TULP4: variants seen among roughly 807,000 people sequenced by gnomAD.
TULP4 encodes TUB like protein 4, also known as tubby-related protein 4.
TULP4 carries 16 observed loss-of-function variants against 129.0 expected under a neutral mutation model. That is an observed-to-expected ratio of 0.12 (90% CI 0.08 to 0.19). The LOEUF (loss-of-function observed/expected upper bound fraction) is 0.19. Among genes scored for constraint, TULP4 ranks in the 10% least tolerant of loss-of-function variants. The probability of loss-of-function intolerance (pLI) is 1.00; values close to 1 mark genes in which losing one functional copy is unlikely to be tolerated. For synonymous variants in TULP4, 998 were observed against 854.0 expected (o/e 1.17, Z -2.94); for missense variants, 1,842 against 2,059.1 (o/e 0.89, Z 2.04).
At chr6:158,414,381 A>C (rs1778159927) in intron 2 of TULP4, among the ~76,000 whole-genome samples, 1 of 93,262 alleles carries the variant, frequency 1.1e-5, no homozygotes, top group East Asian at 2.0e-4. Flanking sequence ...CGGAAATCCC[A>C]CCCCATGACT....
intron 1 of TULP4, among the ~76,000 whole-genome samples, chr6:158,350,625 C>T (rs1413252007): frequency 6.6e-6 from 1 of 151,948 alleles, no homozygotes; most frequent in East Asian, 1.9e-4. Context: ...CTCGGCAGGC[C>T]GAGGCAGGAG....
chr6:158,244,400 G>C (rs1286336823), intron 1 of TULP4, among the ~76,000 whole-genome samples: 1 of 152,208 alleles, frequency 6.6e-6, no homozygotes, highest in Non-Finnish European at 1.5e-5. Context: ...TGTGGACTGA[G>C]TGTTTGAGTC....
intron 1 of TULP4, among the ~76,000 whole-genome samples, chr6:158,364,905 T>G (rs1780890912): frequency 6.6e-6 from 1 of 151,970 alleles, no homozygotes; most frequent in South Asian, 2.1e-4. Flanking sequence ...CTGGCTAATT[T>G]TTTGTATTTT....
chr6:158,314,909 A>G (rs1049500721), intron 1 of TULP4, among the ~76,000 whole-genome samples: 1 of 152,242 alleles, frequency 6.6e-6, no homozygotes, highest in African/African-American at 2.4e-5. Context: ...TGGGATTATG[A>G]AATTCATGCA....
In TULP4 at chr6:158,493,971, A is replaced by G; in HGVS notation, c.1776+254A>G. Among the ~76,000 whole-genome samples, 1 of 151,208 alleles carries G rather than the reference A, an allele frequency of 6.6e-6. No individual in the cohort carries two copies. The highest frequency in any genetic ancestry group is 2.4e-5 in the African/African-American group (1 of 41,088). On this transcript the variant is annotated intron_variant, in intron 10 of 13. Transcript: ENST00000367097. The surrounding 1 kb of genome is among the most constrained non-coding windows in gnomAD (Gnocchi z 4.4). ...CCTCCCACTTCCCATCACAGCTCCC[A>G]CCGTCCAGCCCTGCCTGCCTTTCCC...
At chr6:158,244,095 A>G (rs1325984019) in intron 1 of TULP4, among the ~76,000 whole-genome samples, 1 of 152,148 alleles carries the variant, frequency 6.6e-6, no homozygotes, top group African/African-American at 2.4e-5. Flanking sequence ...GGTGTGTTTC[A>G]GTCCATTGCA....
At chr6:158,476,743 A>G (rs1779829282) in intron 6 of TULP4, among the ~76,000 whole-genome samples, 1 of 152,238 alleles carries the variant, frequency 6.6e-6, no homozygotes, top group African/African-American at 2.4e-5. Context: ...AGCTTTGACC[A>G]AATGGACTAA....
intron 6 of TULP4, among the ~76,000 whole-genome samples, chr6:158,467,299 G>C (rs1030680731): frequency 1.6e-5 from 2 of 124,400 alleles, no homozygotes; most frequent in Middle Eastern, 4.2e-3. Context: ...TTTTTTTTTG[G>C]ACAGAGTTTC....
At chr6:158,401,740 T>TA (rs1219165910) in intron 1 of TULP4, among the ~76,000 whole-genome samples, 12 of 152,166 alleles carry the variant, frequency 7.9e-5, no homozygotes, top group Non-Finnish European at 7.3e-5. Context: ...TCCTCTCAGG[T>TA]GCTAGTGTTG....
intron 3 of TULP4, among the ~76,000 whole-genome samples, chr6:158,442,875 G>A (rs953703397): frequency 2.0e-5 from 3 of 151,152 alleles, no homozygotes; most frequent in Non-Finnish European, 2.9e-5. Context: ...GTGCAATGGC[G>A]CTATCTCTGC....
intron 3 of TULP4, 68 bp from the exon 4 acceptor site, chr6:158,448,928 G>T: frequency 2.0e-6 from 3 of 1,497,774 alleles, no homozygotes; most frequent in Non-Finnish European, 2.7e-6. Flanking sequence ...AACAAATCGA[G>T]GCAACAAGGT....
At chr6:158,384,336 G>A (rs1288127794) in intron 1 of TULP4, among the ~76,000 whole-genome samples, 1 of 149,424 alleles carries the variant, frequency 6.7e-6, no homozygotes, top group Non-Finnish European at 1.5e-5. Flanking sequence ...GACCCAGGCT[G>A]GAGTGCAGTG....
intron 1 of TULP4, among the ~76,000 whole-genome samples, chr6:158,367,859 A>G (rs1776960429): frequency 6.6e-6 from 1 of 151,484 alleles, no homozygotes; most frequent in Non-Finnish European, 1.5e-5. Flanking sequence ...ATCCCACTTC[A>G]GGAACTGCAG....
chr6:158,335,707 C>T (rs6455579), intron 1 of TULP4, among the ~76,000 whole-genome samples: 139,964 of 152,330 alleles, frequency 0.92, 64,495 homozygotes, highest in Admixed American at 0.95. Flanking sequence ...TTTTGCACTT[C>T]GCTGTTTTCG....
intron 1 of TULP4, among the ~76,000 whole-genome samples, chr6:158,352,598 T>C (rs1780551156): frequency 6.6e-6 from 1 of 152,212 alleles, no homozygotes; most frequent in Non-Finnish European, 1.5e-5. Context: ...GGTTTCACCA[T>C]GTTGGCCAGG....
At chr6:158,318,300 C>T (rs1334181588) in intron 1 of TULP4, among the ~76,000 whole-genome samples, 2 of 152,138 alleles carry the variant, frequency 1.3e-5, no homozygotes, top group South Asian at 2.1e-4. Flanking sequence ...CCTCTACTCT[C>T]CCCCACCCAC....
At chr6:158,494,617 A>G (rs1780286875) in intron 10 of TULP4, 136 bp from the exon 11 acceptor site, 2 of 754,648 alleles carry the variant, frequency 2.7e-6, no homozygotes, top group African/African-American at 1.8e-5. Context: ...CAAATGGTAG[A>G]TGAGGTAGGG....
intron 1 of TULP4, among the ~76,000 whole-genome samples, chr6:158,376,577 C>G (rs899730164): frequency 6.6e-6 from 1 of 152,232 alleles, no homozygotes; most frequent in Non-Finnish European, 1.5e-5. Flanking sequence ...GATCCCACCT[C>G]TCAAGAGGGA....
chr6:158,353,672 A>C (rs1780577999), intron 1 of TULP4, among the ~76,000 whole-genome samples: 1 of 152,174 alleles, frequency 6.6e-6, no homozygotes. Flanking sequence ...ATTTGTGGAG[A>C]AACAGATACA....
Sources: allele counts gnomAD v4.1 joint callset (sites outside exome capture counted in the v4.1 genomes callset), GRCh38; gene constraint gnomAD v4.1.1; non-coding constraint Gnocchi (gnomAD v3.1); transcripts MANE v1.5; gene names NCBI Gene and HGNC (gene_info 2026-07-23, HGNC 2026-07-21).